The following STAT5A variants were observed in gnomAD, a reference collection of about 807,000 sequenced individuals.
STAT5A encodes the protein epididymis secretory sperm binding protein.
STAT5A carries 26 observed loss-of-function variants against 100.2 expected under a neutral mutation model. The observed-to-expected ratio is 0.26, with a 90% CI of 0.19 to 0.36. The LOEUF (loss-of-function observed/expected upper bound fraction) is 0.36, where lower values mean the gene tolerates loss of function less well. Among genes scored for constraint, STAT5A ranks in the 10% least tolerant of loss-of-function variants. The probability of loss-of-function intolerance (pLI) is 1.00; values close to 1 mark genes in which losing one functional copy is unlikely to be tolerated. For synonymous variants in STAT5A, 330 were observed against 424.3 expected, an observed-to-expected ratio of 0.78 and a Z score of 2.73; for missense variants, 634 against 1,027.5, an observed-to-expected ratio of 0.62 and a Z score of 5.24.
At position 42,300,277 on chromosome 17, in the gene STAT5A, T is replaced by C; in HGVS notation, c.829T>C (p.Ser277Pro). Reference sequence around the variant, plus strand: ...CGAGGGCAGCCTGGACGTGCTACAGTCCTGGTAATGGTGTGGGGCGGCCAG... The same window carrying C: ...CGAGGGCAGCCTGGACGTGCTACAGCCCTGGTAATGGTGTGGGGCGGCCAG... Reference protein sequence around the residue: ...PPEGSLDVLQSWCEKLAEIIW... With the variant: ...PPEGSLDVLQPWCEKLAEIIW... The change falls in exon 7 of 19, where the codon TCC becomes CCC. Residue 277 changes from serine (S) to proline (P), a missense_variant. Transcript: ENST00000590949. The C allele has an allele frequency of 6.5e-7, 1 of 1,535,096 alleles. No homozygotes were observed. The highest frequency in any genetic ancestry group is 2.1e-5 in the Admixed American group (1 of 47,374).
chr17:42,292,563 G>T (rs1436703655), intron 4 of STAT5A, among the ~76,000 whole-genome samples: 1 of 151,298 alleles, frequency 6.6e-6, no homozygotes, highest in Non-Finnish European at 1.5e-5. Flanking sequence ...CTGACCTCGT[G>T]ATCCGCCCAC....
At chr17:42,287,840 T>C (rs2144478920), upstream of STAT5A, 1 of 152,312 alleles carries the variant, frequency 6.6e-6, no homozygotes, top group East Asian at 1.9e-4. Flanking sequence ...CAAGATTCTT[T>C]CCAGTTCCTC....
intron 11 of STAT5A, among the ~76,000 whole-genome samples, chr17:42,305,171 G>A (rs1598364607): frequency 1.3e-5 from 2 of 152,324 alleles, no homozygotes; most frequent in Admixed American, 6.5e-5. Context: ...CTGCCCTCCA[G>A]TCTGGGCGAC....
At position 42,310,797 on chromosome 17, in the gene STAT5A, T is replaced by C. The variant is rs1474651830; in HGVS notation, c.*128T>C. ...ATGTGCTTGTGTGTGTGTGTGTGTGTGTGTCCTTGTGCATGAGCTACGCCT... is the reference window on the plus strand; with the variant it reads ...ATGTGCTTGTGTGTGTGTGTGTGTGCGTGTCCTTGTGCATGAGCTACGCCT... On this transcript the variant is annotated 3_prime_UTR_variant, in exon 19 of 19. Coordinates refer to ENST00000590949, the MANE Select transcript of STAT5A (RefSeq NM_001288718.2). 1.4e-6 allele frequency: 2 copies of C among 1,459,698 alleles called. No individual in the cohort carries two copies. Among genetic ancestry groups the C allele is most frequent in the African/African-American group, 1.4e-5 (1 of 71,772 alleles). The allele number at this position is 1,459,698 out of a possible 1,614,324, so 90.4% of individuals were successfully genotyped here.
At chr17:42,298,778 C>T (rs780474498) in intron 5 of STAT5A, among the ~76,000 whole-genome samples, 30 of 152,324 alleles carry the variant, frequency 2.0e-4, no homozygotes, top group Non-Finnish European at 3.1e-4. Flanking sequence ...TGAGCCACTG[C>T]GCCCAGCCCC....
At chr17:42,306,548 C>A in intron 13 of STAT5A, 101 bp downstream of exon 13, 1 of 1,514,198 alleles carries the variant, frequency 6.6e-7, no homozygotes, top group South Asian at 1.2e-5. Context: ...CCCCACTCTC[C>A]ACCCCCAACC....
rs776801677 is a variant in STAT5A, at chr17:42,310,580, G to C, written c.2296G>C (p.Glu766Gln). The C allele has an allele frequency of 4.0e-5, 64 of 1,614,104 alleles. No individual in the cohort carries two copies. Among genetic ancestry groups the C allele is most frequent in the Non-Finnish European group, 5.2e-5 (61 of 1,180,052 alleles). ...ETMDVARHVE[E>Q]LLRRPMDSLD... The stretch of plus-strand genomic sequence containing the variant: ...CATGGATGTGGCCAGGCACGTGGAG[G>C]AACTCTTACGCCGACCAATGGACAG... Residue 766 changes from glutamate (E) to glutamine (Q), a missense_variant, in exon 19 of 19, where the codon GAA (glutamate) becomes CAA (glutamine). Glu to Gln is a conservative substitution (Grantham distance 29). Around this residue, in one of 5 missense-constraint regions of STAT5A, gnomAD observed 88 missense variants for 95.1 expected, o/e 0.92. Transcript: ENST00000590949.
chr17:42,287,694 G>A (rs1030131700), upstream of STAT5A: 2 of 152,290 alleles, frequency 1.3e-5, no homozygotes, highest in African/African-American at 4.8e-5. Context: ...CTAGTTTATG[G>A]ATCACAGTCG....
chr17:42,292,632 T>G (rs1357700767), intron 4 of STAT5A, among the ~76,000 whole-genome samples: 1 of 142,416 alleles, frequency 7.0e-6, no homozygotes, highest in African/African-American at 2.7e-5. Flanking sequence ...GCGCCTACTG[T>G]TTTTTCCCCC....
At chr17:42,305,177 G>A (rs1470697245) in intron 11 of STAT5A, among the ~76,000 whole-genome samples, 4 of 152,152 alleles carry the variant, frequency 2.6e-5, no homozygotes, top group Non-Finnish European at 5.9e-5. Flanking sequence ...TCCAGTCTGG[G>A]CGACCGAGCG....
chr17:42,307,473 C>T lies in STAT5A; in HGVS notation c.1752C>T (p.His584=). ...FDGVMEVLKK[H]HKPHWNDGAI... is the part of the protein sequence containing the mutation. ...GGGTGATGGAGGTGTTGAAGAAGCA[C>T]CACAAGCCCCACTGGAATGATGGGT... Residue 584 remains histidine, a synonymous_variant, in exon 14 of 19, where the codon CAC becomes CAT. Transcript: ENST00000590949. 6.2e-7 allele frequency: 1 copy of T among 1,614,034 alleles called. No individual in the cohort carries two copies. The highest frequency in any genetic ancestry group is 8.5e-7 in the Non-Finnish European group (1 of 1,179,998).
intron 18 of STAT5A, among the ~76,000 whole-genome samples, chr17:42,309,918 T>C (rs149940036): frequency 3.3e-5 from 5 of 152,314 alleles, no homozygotes; most frequent in Non-Finnish European, 7.4e-5. Flanking sequence ...TCACTGTGGA[T>C]AGCCAGGGCT....
Position 42,301,281 on chromosome 17 carries a change from C to G in STAT5A, c.996C>G (p.Phe332Leu). ...GTCCCTGTGTCCCATGCAGCACATT[C>G]ATCATTGAGAAGCAGCCTCCTCAGG... ...DIISALVTST[F>L]IIEKQPPQVL... The change falls in exon 9 of 19, where the codon TTC becomes TTG. Residue 332 changes from phenylalanine to leucine, a missense_variant. By Grantham distance (22) the Phe-to-Leu change is conservative. This residue lies in a region of STAT5A where 98 missense variants were observed against 149.7 expected (regional missense o/e 0.65). Coordinates refer to ENST00000590949, the MANE Select transcript of STAT5A (RefSeq NM_001288718.2). The G allele has an allele frequency of 6.2e-7, 1 of 1,613,944 alleles. No homozygotes were observed. The highest frequency in any genetic ancestry group is 8.5e-7 in the Non-Finnish European group (1 of 1,179,920).
Position 42,289,921 on chromosome 17 carries a change from G to A in STAT5A, c.184G>A (p.Glu62Lys). The A allele has an allele frequency of 6.2e-7, 1 of 1,601,420 alleles. No homozygotes were observed. ...CAGAGCCCAAGCCACCCAGCTCCTG[G>A]AGGGCCTGGTGCAGGAGCTGCAGAA... is the stretch of plus-strand genomic sequence containing the variant. ...QDRAQATQLL[E>K]GLVQELQKKA... The change falls in exon 3 of 19, where the codon GAG becomes AAG. Residue 62 changes from glutamate (E) to lysine (K), a missense_variant. Transcript: ENST00000590949.
Position 42,304,410 on chromosome 17 carries a change from G to C in STAT5A, c.1238G>C (p.Ser413Thr). Residue 413 changes from serine to threonine, a missense_variant, in exon 10 of 19, where the codon AGT becomes ACT. Ser to Thr is a moderately conservative substitution (Grantham distance 58, BLOSUM62 1). Coordinates refer to ENST00000590949, the MANE Select transcript of STAT5A (RefSeq NM_001288718.2). The surrounding 1 kb of genome is among the most constrained non-coding windows in gnomAD (Gnocchi z 4.8). The part of the protein sequence containing the change: ...MEYHQATGTL[S>T]AHFRNMSLKR... The stretch of plus-strand genomic sequence containing the variant: ...TACCACCAAGCCACGGGCACCCTCA[G>C]TGCCCACTTCAGGAACATGGTGAGG... The C allele has an allele frequency of 1.2e-6, 2 of 1,614,254 alleles. No homozygotes were observed. Among genetic ancestry groups the C allele is most frequent in the Non-Finnish European group, 1.7e-6 (2 of 1,180,042 alleles).
chr17:42,291,830 T>C lies in STAT5A; in HGVS notation c.286-142T>C, dbSNP rs1434584804. ...AAGATGAGGATGAGGAACAGAGATA[T>C]AGAGGTGTCTGGGGATAGTTCCTGA... On this transcript the variant is annotated intron_variant, in intron 3 of 18. Transcript: ENST00000590949. 3 of 731,204 alleles carry C rather than the reference T, an allele frequency of 4.1e-6. No homozygotes were observed. The East Asian group carries it at 8.3e-5, about 20-fold the overall frequency. 45.3% of individuals were successfully genotyped at this position (731,204 alleles called of 1,614,324 possible).
chr17:42,304,347 G>A lies in STAT5A; in HGVS notation c.1175G>A (p.Cys392Tyr). Residue 392 changes from cysteine to tyrosine, a missense_variant, in exon 10 of 19, where the codon TGC becomes TAC. Transcript: ENST00000590949. This position sits in a 1 kb window ranked among gnomAD's most constrained non-coding sequence, Gnocchi z 4.8. Reference protein sequence around the residue: ...LLKNENTRNECSGEILNNCCV... With the variant: ...LLKNENTRNEYSGEILNNCCV... ...GACCCCCCTCTCCTTTGCAGCGAGT[G>A]CAGTGGTGAGATCCTGAACAACTGC... is the stretch of plus-strand genomic sequence containing the variant. 1 of 1,614,192 alleles carries A rather than the reference G, an allele frequency of 6.2e-7. No homozygotes were observed. The highest frequency in any genetic ancestry group is 8.5e-7 in the Non-Finnish European group (1 of 1,180,028).
At position 42,290,010 on chromosome 17, in the gene STAT5A, C is replaced by T. The variant is rs1205861403; in HGVS notation, c.273C>T (p.Ala91=). The change falls in exon 3 of 19, where the codon GCC becomes GCT. Residue 91 remains alanine, a synonymous_variant. Transcript: ENST00000590949. Reference sequence around the variant, plus strand: ...TGAAGATCAAGCTGGGGCACTACGCCACGCAGCTCCAGGTGGGTGTAGGCT... The same window carrying T: ...TGAAGATCAAGCTGGGGCACTACGCTACGCAGCTCCAGGTGGGTGTAGGCT... The part of the protein sequence containing the change: ...FLLKIKLGHY[A]TQLQKTYDRC... 2 of 1,612,534 alleles carry T rather than the reference C, an allele frequency of 1.2e-6. No individual in the cohort carries two copies. The highest frequency in any genetic ancestry group is 1.7e-6 in the Non-Finnish European group (2 of 1,179,420).
chr17:42,296,112 G>A (rs1266643003), intron 5 of STAT5A, among the ~76,000 whole-genome samples: 1 of 152,160 alleles, frequency 6.6e-6, no homozygotes, highest in Non-Finnish European at 1.5e-5. Flanking sequence ...CTCAACTAGA[G>A]ATATATCATA....
Sources: gnomAD v4.1 joint callset for allele counts (sites outside exome capture counted in the v4.1 genomes callset) on GRCh38, gnomAD v4.1.1 for gene constraint, gnomAD v4.1.1 regional missense constraint, Gnocchi (gnomAD v3.1) non-coding constraint, MANE v1.5 for transcripts, NCBI Gene and HGNC (gene_info 2026-07-23, HGNC 2026-07-21) for gene names.